CACNA1E: variants seen among roughly 807,000 people sequenced by gnomAD.
CACNA1E encodes the protein voltage-dependent R-type calcium channel subunit alpha-1E.
Under a neutral mutation model 259.2 loss-of-function variants are expected in CACNA1E, and 40 were observed. The ratio of observed to expected loss-of-function variants is 0.15; its 90% confidence interval spans 0.12 to 0.20. The LOEUF is 0.20. CACNA1E is among the 10% of genes least tolerant of loss of function. CACNA1E has a pLI of 1.00. For missense variants in CACNA1E, 1,874 were observed against 3,040.1 expected, an observed-to-expected ratio of 0.62 and a Z score of 9.02; for synonymous variants, 1,104 against 1,138.5, an observed-to-expected ratio of 0.97 and a Z score of 0.61.
At chr1:181,586,134 C>T (rs1220771287) in intron 6 of CACNA1E, among the ~76,000 whole-genome samples, 1 of 152,108 alleles carries the variant, frequency 6.6e-6, no homozygotes, top group African/African-American at 2.4e-5. Context: ...AAGTAGAGCT[C>T]ATGGGATTCT....
chr1:181,437,922 G>C (rs1471760908), intron 2 of CACNA1E, among the ~76,000 whole-genome samples: 1 of 152,206 alleles, frequency 6.6e-6, no homozygotes, highest in East Asian at 1.9e-4. Flanking sequence ...AAATCCAGCT[G>C]TTCCCTTGAC....
chr1:181,504,637 C>T (rs1665553836), intron 1 of CACNA1E, among the ~76,000 whole-genome samples: 1 of 152,170 alleles, frequency 6.6e-6, no homozygotes, highest in African/African-American at 2.4e-5. Context: ...CAGGCCAGGC[C>T]CCCAGGGCTC....
rs1052834417 is a variant in CACNA1E, at chr1:181,618,529, C to T, written c.952-32809C>T. Among the ~76,000 whole-genome samples, 14 of 151,762 alleles carry T rather than the reference C, an allele frequency of 9.2e-5. No homozygotes were observed. In the Middle Eastern group the frequency reaches 0.01, roughly 111 times the overall value. ...TCAGTGAGCCAAGATCGTGCCACTG[C>T]ACTCCAGCCTGGGTGACAGAGCAAG... is the stretch of plus-strand genomic sequence containing the variant. On this transcript the variant is annotated intron_variant, in intron 6 of 47. Transcript: ENST00000367573.
At chr1:181,669,351 CCTGGCCACACGGCTCA>C (rs1648563256) in intron 7 of CACNA1E, among the ~76,000 whole-genome samples, 1 of 152,126 alleles carries the variant, frequency 6.6e-6, no homozygotes, top group Admixed American at 6.5e-5. Flanking sequence ...TCTGCCTTAG[CCTGGCCACACGGCTCA>C]CTGTTCCCGG....
chr1:181,629,460 G>A (rs1572423004), intron 6 of CACNA1E, among the ~76,000 whole-genome samples: 1 of 151,952 alleles, frequency 6.6e-6, no homozygotes, highest in African/African-American at 2.4e-5. Flanking sequence ...GAAGTAGGAG[G>A]GCACCCCTAA....
At chr1:181,730,264 C>T (rs1655340209) in intron 18 of CACNA1E, among the ~76,000 whole-genome samples, 1 of 152,186 alleles carries the variant, frequency 6.6e-6, no homozygotes. Flanking sequence ...CATCCCAGGT[C>T]CAAGCAGGGC....
At chr1:181,589,605 G>C (rs943706441) in intron 6 of CACNA1E, among the ~76,000 whole-genome samples, 2 of 152,156 alleles carry the variant, frequency 1.3e-5, no homozygotes, top group African/African-American at 2.4e-5. Flanking sequence ...TGTAGTCCCA[G>C]CTACCTGGAA....
chr1:181,654,321 G>A (rs1282134067), intron 7 of CACNA1E, among the ~76,000 whole-genome samples: 2 of 151,520 alleles, frequency 1.3e-5, no homozygotes, highest in Admixed American at 6.6e-5. Flanking sequence ...ATACATATTT[G>A]GAATATAAAA....
intron 17 of CACNA1E, among the ~76,000 whole-genome samples, chr1:181,725,676 G>T (rs745821988): frequency 8.5e-5 from 13 of 152,210 alleles, no homozygotes; most frequent in Non-Finnish European, 1.8e-4. Flanking sequence ...TGCCTGGAAG[G>T]CCCCTGCTCC....
intron 3 of CACNA1E, among the ~76,000 whole-genome samples, chr1:181,527,782 T>C (rs868609276): frequency 2.6e-5 from 4 of 152,232 alleles, no homozygotes; most frequent in African/African-American, 9.6e-5. Context: ...AGTTCTATGT[T>C]GTTTTTGTTG....
chr1:181,558,883 A>T (rs2102876804), intron 3 of CACNA1E, among the ~76,000 whole-genome samples: 1 of 152,274 alleles, frequency 6.6e-6, no homozygotes, highest in African/African-American at 2.4e-5. Context: ...GGGATAGAGA[A>T]ATGAAACTGT....
chr1:181,679,733 G>A (rs1414613547), intron 7 of CACNA1E, among the ~76,000 whole-genome samples: 1 of 152,178 alleles, frequency 6.6e-6, no homozygotes, highest in Non-Finnish European at 1.5e-5. Flanking sequence ...AGGCTGGACA[G>A]TGGCCTGGGA....
At chr1:181,648,188 A>C (rs1156635944) in intron 6 of CACNA1E, among the ~76,000 whole-genome samples, 47 of 152,224 alleles carry the variant, frequency 3.1e-4, no homozygotes, top group Non-Finnish European at 2.4e-4. Context: ...TTTTAACAGG[A>C]GAATCTTCAT....
intron 2 of CACNA1E, among the ~76,000 whole-genome samples, chr1:181,463,753 C>T (rs1661969236): frequency 6.6e-6 from 1 of 152,018 alleles, no homozygotes; most frequent in African/African-American, 2.4e-5. Context: ...CATGACTTGT[C>T]TTTTTCACTT....
rs1218649077 is a variant in CACNA1E at position 181,771,355 on chromosome 1, T to C, written c.4944T>C (p.Ser1648=). The change falls in exon 36 of 48, where the codon AGT becomes AGC. Residue 1648 remains serine, a synonymous_variant. Coordinates refer to ENST00000367573, the MANE Select transcript of CACNA1E (RefSeq NM_001205293.3). Reference sequence around the variant, plus strand: ...TCAACCGGCACAACAACTTCCGGAGTTTCTTTGGGTCCCTAATGCTACTCT... The same window carrying C: ...TCAACCGGCACAACAACTTCCGGAGCTTCTTTGGGTCCCTAATGCTACTCT... ...SHINRHNNFR[S]FFGSLMLLFR... The C allele has an allele frequency of 6.2e-7, 1 of 1,601,456 alleles. No individual in the cohort carries two copies. Among genetic ancestry groups the C allele is most frequent in the South Asian group, 1.1e-5 (1 of 88,978 alleles).
At chr1:181,509,779 T>C (rs1666010464) in intron 1 of CACNA1E, among the ~76,000 whole-genome samples, 1 of 152,184 alleles carries the variant, frequency 6.6e-6, no homozygotes, top group African/African-American at 2.4e-5. Flanking sequence ...TGGACTTTGC[T>C]GTCCAGGATT....
intron 27 of CACNA1E, among the ~76,000 whole-genome samples, chr1:181,754,035 T>G (rs969051822): frequency 5.9e-5 from 9 of 152,316 alleles, no homozygotes; most frequent in Middle Eastern, 3.4e-3. Context: ...TCTTACCACC[T>G]TCCTGCCCAT....
intron 18 of CACNA1E, among the ~76,000 whole-genome samples, chr1:181,728,681 C>T (rs1332515156): frequency 5.3e-5 from 8 of 152,014 alleles, no homozygotes; most frequent in Admixed American, 5.2e-4. Context: ...GTCCTCTGCC[C>T]AGGTGTGTGT....
chr1:181,393,184 TGCCGGGGTTCAAATCCTG>T (rs1656416853), intron 1 of CACNA1E, among the ~76,000 whole-genome samples: 1 of 152,214 alleles, frequency 6.6e-6, no homozygotes, highest in African/African-American at 2.4e-5. Context: ...GGGGGAAGGC[TGCCGGGGTTCAAATCCTG>T]GCTCTACCAA....
Sources: allele counts gnomAD v4.1 joint callset (sites outside exome capture counted in the v4.1 genomes callset), GRCh38; gene constraint gnomAD v4.1.1; transcripts MANE v1.5; gene names NCBI Gene and HGNC (gene_info 2026-07-23, HGNC 2026-07-21).